The following TRIM51 variants were observed in gnomAD, a reference collection of about 807,000 sequenced individuals.
TRIM51 encodes tripartite motif-containing protein 51.
In TRIM51, 23 loss-of-function variants were observed where a neutral mutation model predicts 32.7. That is an observed-to-expected ratio of 0.70 (90% CI 0.51 to 1.00). The LOEUF (loss-of-function observed/expected upper bound fraction) is 1.00, where lower values mean the gene tolerates loss of function less well. TRIM51 is among the 50% of genes least tolerant of loss of function. TRIM51 has a pLI of 0.00. For synonymous variants in TRIM51, 177 were observed against 181.9 expected (o/e 0.97, Z 0.22); for missense variants, 592 against 539.2 (o/e 1.10, Z -0.97).
intron 3 of TRIM51, among the ~76,000 whole-genome samples, chr11:55,886,641 G>A (rs1377903762): frequency 1.3e-5 from 2 of 152,138 alleles, no homozygotes; most frequent in Non-Finnish European, 2.9e-5. Context: ...TAAATTTCAG[G>A]CAGAAGGAGC....
rs376445670 is a variant in TRIM51, at chr11:55,891,266, G to A, written c.993G>A (p.Trp331Ter). 6.2e-7 allele frequency: 1 copy of A among 1,609,292 alleles called. No individual in the cohort carries two copies. The highest frequency in any genetic ancestry group is 1.3e-5 in the African/African-American group (1 of 74,966). ...ITGKSECFLV[W>*]GAQAFTSGKY... ...GAAAATCTGAATGTTTTCTTGTATG[G>A]GGGGCTCAGGCTTTCACATCTGGCA... Residue 331 changes from tryptophan to a stop codon, truncating the protein, a stop_gained, in exon 7 of 7, where the codon TGG (tryptophan) becomes TGA (stop). Transcript: ENST00000449290. LOFTEE classifies it low-confidence loss of function (END_TRUNC).
chr11:55,887,942 A>C (rs1376429227), intron 3 of TRIM51, 90 bp from the exon 4 acceptor site: 1 of 961,632 alleles, frequency 1.0e-6, no homozygotes, highest in Non-Finnish European at 1.6e-6. Flanking sequence ...TGAGGATTAA[A>C]ATATTGGGTG....
rs1854650640 is a variant in TRIM51 at position 55,891,534 on chromosome 11, A to G, written c.1261A>G (p.Ser421Gly). The change falls in exon 7 of 7, where the codon AGC (serine) becomes GGC (glycine). Residue 421 changes from serine (S) to glycine (G), a missense_variant. Ser to Gly is a moderately conservative substitution (Grantham distance 56). Transcript: ENST00000449290. Reference sequence around the variant, plus strand: ...CCTGGATTGTGAAGGTAGAACCGTGAGCTTTGTTGATGTTGATCAAAGTTC... The same window carrying G: ...CCTGGATTGTGAAGGTAGAACCGTGGGCTTTGTTGATGTTGATCAAAGTTC... ...LFLDCEGRTV[S>G]FVDVDQSSLI... The G allele has an allele frequency of 6.2e-7, 1 of 1,613,580 alleles. No homozygotes were observed. Among genetic ancestry groups the G allele is most frequent in the Non-Finnish European group, 8.5e-7 (1 of 1,179,718 alleles).
At chr11:55,883,808 G>A (rs1226307783) in intron 1 of TRIM51, among the ~76,000 whole-genome samples, 1 of 151,994 alleles carries the variant, frequency 6.6e-6, no homozygotes, top group Admixed American at 6.6e-5. Flanking sequence ...AGTTAAAAAT[G>A]GTGATACTAA....
intron 1 of TRIM51, among the ~76,000 whole-genome samples, chr11:55,884,161 A>ATATATATATATATATATATATATATT (rs1854543911): frequency 1.5e-5 from 1 of 68,284 alleles, no homozygotes; most frequent in African/African-American, 9.6e-5. Context: ...CTATAACTAT[A>ATATATATATATATATATATATATATT]TATATATATA....
intron 3 of TRIM51, among the ~76,000 whole-genome samples, chr11:55,887,150 G>C (rs577856349): frequency 6.6e-6 from 1 of 151,934 alleles, no homozygotes; most frequent in Non-Finnish European, 1.5e-5. Flanking sequence ...TGGGGATGAG[G>C]GTTTGAGTTT....
chr11:55,889,334 AT>A (rs1218074470), intron 5 of TRIM51, among the ~76,000 whole-genome samples: 1 of 152,194 alleles, frequency 6.6e-6, no homozygotes, highest in Non-Finnish European at 1.5e-5. Flanking sequence ...AAGAGAAAAT[AT>A]TACATTTTCT....
chr11:55,885,104 T>G (rs1351051914), intron 1 of TRIM51, among the ~76,000 whole-genome samples: 3 of 152,156 alleles, frequency 2.0e-5, no homozygotes, highest in Non-Finnish European at 4.4e-5. Context: ...GGGACAAGCA[T>G]GTTTCATTCT....
At chr11:55,889,820 TTTTGGAATTAGCAAA>T in intron 5 of TRIM51, 107 bp from the exon 6 acceptor site, 1 of 681,092 alleles carries the variant, frequency 1.5e-6, no homozygotes, top group Non-Finnish European at 2.6e-6. Flanking sequence ...AAAATGATAA[TTTTGGAATTAGCAAA>T]TGTGTGGGTT....
At chr11:55,889,286 C>T (rs12224686) in intron 5 of TRIM51, among the ~76,000 whole-genome samples, 56,844 of 151,738 alleles carry the variant, frequency 0.37, 11,100 homozygotes, top group East Asian at 0.6. Context: ...ATCTGTATTC[C>T]TAATTTCCTT....
At chr11:55,884,111 G>C (rs2134531265) in intron 1 of TRIM51, among the ~76,000 whole-genome samples, 1 of 140,510 alleles carries the variant, frequency 7.1e-6, no homozygotes, top group Admixed American at 7.6e-5. Flanking sequence ...GTATTGGTCA[G>C]GGTTCTCCAG....
At position 55,885,464 on chromosome 11, in the gene TRIM51, A is replaced by G; in HGVS notation, c.36A>G (p.Ala12=). 6.2e-7 allele frequency: 1 copy of G among 1,611,850 alleles called. No individual in the cohort carries two copies. Among genetic ancestry groups the G allele is most frequent in the Non-Finnish European group, 8.5e-7 (1 of 1,179,694 alleles). Residue 12 remains alanine (A), a synonymous_variant, in exon 2 of 7, where the codon GCA becomes GCG. Transcript: ENST00000449290. ...GAATCTTGCAAGTCTTCCAGAGGGC[A>G]CTCACCTGTCCCATCTGCATGAACT... ...NSGILQVFQR[A]LTCPICMNYF... is the part of the protein sequence containing the mutation.
At chr11:55,887,184 G>T (rs1241915295) in intron 3 of TRIM51, among the ~76,000 whole-genome samples, 1 of 151,870 alleles carries the variant, frequency 6.6e-6, no homozygotes, top group Non-Finnish European at 1.5e-5. Context: ...CAGAAAAAAG[G>T]CTCATGGAAA....
In TRIM51 at chr11:55,885,671, C is replaced by T. The variant is rs1182166668; in HGVS notation, c.243C>T (p.Ser81=). Residue 81 remains serine (S), a synonymous_variant, in exon 2 of 7, where the codon AGC becomes AGT. Coordinates refer to ENST00000449290, the MANE Select transcript of TRIM51 (RefSeq NM_032681.4). ...KNMAFIARKA[S]LRQFLSSEEQ... The stretch of plus-strand genomic sequence containing the variant: ...TGGCTTTCATTGCCAGAAAAGCCAG[C>T]CTCCGGCAATTCCTTAGCTCTGAGG... 6.2e-7 allele frequency: 1 copy of T among 1,610,942 alleles called. No individual in the cohort carries two copies. The highest frequency in any genetic ancestry group is 8.5e-7 in the Non-Finnish European group (1 of 1,179,306).
Position 55,891,415 on chromosome 11 carries a change from G to C in TRIM51, c.1142G>C (p.Gly381Ala). Reference sequence around the variant, plus strand: ...GGAGAGGAGGGACTCTTTCTTCTTGGATGTGTTAAGGAGGACACTCACTGC... The same window carrying C: ...GGAGAGGAGGGACTCTTTCTTCTTGCATGTGTTAAGGAGGACACTCACTGC... ...IDGEEGLFLLGCVKEDTHCSL... is the reference protein window; with the variant it reads ...IDGEEGLFLLACVKEDTHCSL... Residue 381 changes from glycine (G) to alanine (A), a missense_variant, in exon 7 of 7, where the codon GGA (glycine) becomes GCA (alanine). Gly to Ala is a moderately conservative substitution (Grantham distance 60, BLOSUM62 0). Coordinates refer to ENST00000449290, the MANE Select transcript of TRIM51 (RefSeq NM_032681.4). The C allele has an allele frequency of 6.2e-7, 1 of 1,612,566 alleles. No individual in the cohort carries two copies. Among genetic ancestry groups the C allele is most frequent in the South Asian group, 1.1e-5 (1 of 91,074 alleles).
chr11:55,887,126 C>T (rs1374194641), intron 3 of TRIM51, among the ~76,000 whole-genome samples: 3 of 151,832 alleles, frequency 2.0e-5, no homozygotes, highest in African/African-American at 7.3e-5. Context: ...AAAAGGAGCA[C>T]AGAGGCCAGG....
In TRIM51 at chr11:55,891,269, G is replaced by T. The variant is rs753477967; in HGVS notation, c.996G>T (p.Gly332=). The part of the protein sequence containing the change: ...TGKSECFLVW[G]AQAFTSGKYY... ...AATCTGAATGTTTTCTTGTATGGGGGGCTCAGGCTTTCACATCTGGCAAAT... is the reference window on the plus strand; with the variant it reads ...AATCTGAATGTTTTCTTGTATGGGGTGCTCAGGCTTTCACATCTGGCAAAT... Residue 332 remains glycine, a synonymous_variant, in exon 7 of 7, where the codon GGG becomes GGT. Coordinates refer to ENST00000449290, the MANE Select transcript of TRIM51 (RefSeq NM_032681.4). The T allele has an allele frequency of 1.9e-6, 3 of 1,609,444 alleles. No homozygotes were observed. The highest frequency in any genetic ancestry group is 3.3e-5 in the Admixed American group (2 of 59,998).
In TRIM51 at chr11:55,888,192, G is replaced by A. The variant is rs1355456701; in HGVS notation, c.668G>A (p.Arg223Lys). The change falls in exon 4 of 7, where the codon AGG (arginine) becomes AAG (lysine). Residue 223 changes from arginine (R) to lysine (K), a missense_variant. Arg to Lys is a conservative substitution (Grantham distance 26). Coordinates refer to ENST00000449290, the MANE Select transcript of TRIM51 (RefSeq NM_032681.4). The part of the protein sequence containing the change: ...NESKARMEHS[R>K]ELLRGMYEDL... ...AGCAAAGCCAGAATGGAACATTCCAGGGAGCTTTTAAGAGGAATGTATGAG... is the reference window on the plus strand; with the variant it reads ...AGCAAAGCCAGAATGGAACATTCCAAGGAGCTTTTAAGAGGAATGTATGAG... 3 of 1,613,632 alleles carry A rather than the reference G, an allele frequency of 1.9e-6. No individual in the cohort carries two copies. In the East Asian group the frequency reaches 6.7e-5, roughly 36 times the overall value.
chr11:55,891,579 A>C lies in TRIM51; in HGVS notation c.1306A>C (p.Asn436His), dbSNP rs78177696. The C allele has an allele frequency of 1.2e-6, 2 of 1,613,326 alleles. No individual in the cohort carries two copies. Among genetic ancestry groups the C allele is most frequent in the African/African-American group, 1.3e-5 (1 of 74,856 alleles). Residue 436 changes from asparagine (N) to histidine (H), a missense_variant, in exon 7 of 7, where the codon AAT becomes CAT. Coordinates refer to ENST00000449290, the MANE Select transcript of TRIM51 (RefSeq NM_032681.4). ...AAGTTCCCTGATATACACCATCCCC[A>C]ATTGCTCCTTCTCACCTCCTCTCAG... ...DQSSLIYTIP[N>H]CSFSPPLRPI...
Sources: allele counts gnomAD v4.1 joint callset (sites outside exome capture counted in the v4.1 genomes callset), GRCh38; gene constraint gnomAD v4.1.1; transcripts MANE v1.5; gene names NCBI Gene and HGNC (gene_info 2026-07-23, HGNC 2026-07-21).